Variants in B4GALT6 observed in about 807,000 individuals in gnomAD.
The protein encoded by B4GALT6 is beta-1,4-galactosyltransferase 6.
Under a neutral mutation model 46.3 loss-of-function variants are expected in B4GALT6, and 14 were observed. That is an observed-to-expected ratio of 0.30 (90% CI 0.20 to 0.47). The LOEUF (loss-of-function observed/expected upper bound fraction) is 0.47. Among genes scored for constraint, B4GALT6 ranks in the 20% least tolerant of loss-of-function variants. The probability of loss-of-function intolerance (pLI) is 0.99; values close to 1 mark genes in which losing one functional copy is unlikely to be tolerated. For synonymous variants in B4GALT6, 168 were observed against 162.0 expected, an observed-to-expected ratio of 1.04 and a Z score of -0.28; for missense variants, 386 against 480.1, an observed-to-expected ratio of 0.80 and a Z score of 1.83.
At chr18:31,651,389 T>C (rs1434307938) in intron 3 of B4GALT6, among the ~76,000 whole-genome samples, 1 of 152,112 alleles carries the variant, frequency 6.6e-6, no homozygotes, top group East Asian at 1.9e-4. Context: ...GTATTGTGAC[T>C]CCACCAGGGT....
intron 5 of B4GALT6, among the ~76,000 whole-genome samples, chr18:31,634,634 G>C (rs1448091558): frequency 6.6e-6 from 1 of 152,148 alleles, no homozygotes; most frequent in Non-Finnish European, 1.5e-5. Flanking sequence ...TCTCATTTTA[G>C]GAGTTTGGAA....
chr18:31,723,102 CAT>C, the B4GALT6 span, among the ~76,000 whole-genome samples: 5 of 152,180 alleles, frequency 3.3e-5, no homozygotes, highest in Admixed American at 3.3e-4. Flanking sequence ...GAAATTTAAA[CAT>C]ATAATTTAGC....
chr18:31,684,009 C>G (rs1185715406), intron 1 of B4GALT6, among the ~76,000 whole-genome samples: 1 of 152,160 alleles, frequency 6.6e-6, no homozygotes, highest in Non-Finnish European at 1.5e-5. Context: ...ATAAAGCTGT[C>G]ATGAACACTC....
the B4GALT6 span, among the ~76,000 whole-genome samples, chr18:31,697,159 C>A: frequency 6.6e-6 from 1 of 152,102 alleles, no homozygotes; most frequent in Non-Finnish European, 1.5e-5. Flanking sequence ...GCAGTCCCAA[C>A]TACTCAGAAG....
At chr18:31,657,694 T>C (rs1041828917) in intron 3 of B4GALT6, among the ~76,000 whole-genome samples, 2 of 152,304 alleles carry the variant, frequency 1.3e-5, no homozygotes, top group Non-Finnish European at 1.5e-5. Context: ...AACTTGGACA[T>C]AGGTAAGCCG....
intron 4 of B4GALT6, among the ~76,000 whole-genome samples, chr18:31,639,952 A>C (rs1447430931): frequency 6.6e-6 from 1 of 152,126 alleles, no homozygotes; most frequent in Non-Finnish European, 1.5e-5. Context: ...CCCTTGAAAA[A>C]CCTAAAGTGT....
At chr18:31,682,620 G>C (rs1291449026) in intron 1 of B4GALT6, among the ~76,000 whole-genome samples, 1 of 151,964 alleles carries the variant, frequency 6.6e-6, no homozygotes, top group Non-Finnish European at 1.5e-5. Flanking sequence ...TAAAAAAAAA[G>C]GGATGACTAG....
chr18:31,650,970 G>GC (rs1459250461), intron 3 of B4GALT6, among the ~76,000 whole-genome samples: 2 of 152,104 alleles, frequency 1.3e-5, no homozygotes, highest in Non-Finnish European at 2.9e-5. Context: ...GTTTCACCGT[G>GC]TTAGACAGGA....
At position 31,681,302 on chromosome 18, in the gene B4GALT6, C is replaced by T. The variant is rs555147542; in HGVS notation, c.115+3010G>A. On this transcript the variant is annotated intron_variant, in intron 1 of 8. Transcript: ENST00000306851. ...CAAAACCTTGGAGAGAAACTGCACTCATCTTTGCAATCATGCACAAAGGTA... is the reference window on the plus strand; with the variant it reads ...CAAAACCTTGGAGAGAAACTGCACTTATCTTTGCAATCATGCACAAAGGTA... Among the ~76,000 whole-genome samples, 50 of 152,358 alleles carry T rather than the reference C, an allele frequency of 3.3e-4. No homozygotes were observed. In the South Asian group the frequency reaches 9.5e-3, roughly 29 times the overall value.
At chr18:31,685,612 C>A, upstream of B4GALT6, 1 of 152,556 alleles carries the variant, frequency 6.6e-6, no homozygotes, top group South Asian at 1.9e-4. Context: ...CCTCCTGCGT[C>A]ACCGCCGCCC....
At chr18:31,714,507 T>C in the B4GALT6 span, among the ~76,000 whole-genome samples, 8 of 152,148 alleles carry the variant, frequency 5.3e-5, no homozygotes, top group Non-Finnish European at 8.8e-5. Context: ...GCAAAGTGTG[T>C]CTTTAGCATT....
intron 1 of B4GALT6, among the ~76,000 whole-genome samples, chr18:31,674,873 T>C (rs1349426553): frequency 1.8e-4 from 28 of 152,208 alleles, no homozygotes; most frequent in Admixed American, 1.8e-3. Context: ...AAAATTCTTT[T>C]ATGTCAAAGT....
chr18:31,701,765 A>G, the B4GALT6 span, among the ~76,000 whole-genome samples: 1 of 152,206 alleles, frequency 6.6e-6, no homozygotes, highest in Admixed American at 6.5e-5. Flanking sequence ...TACAAAATTT[A>G]AATTTTCTTT....
intron 1 of B4GALT6, among the ~76,000 whole-genome samples, chr18:31,678,075 GAGC>G (rs1340766317): frequency 6.6e-6 from 1 of 152,158 alleles, no homozygotes; most frequent in African/African-American, 2.4e-5. Context: ...ACAGGTAGAG[GAGC>G]AGGTCTGCCC....
upstream of B4GALT6, among the ~76,000 whole-genome samples, chr18:31,690,212 A>G (rs1187285541): frequency 6.6e-6 from 1 of 152,078 alleles, no homozygotes; most frequent in Non-Finnish European, 1.5e-5. Flanking sequence ...GCACACTGCA[A>G]TTTACGCCTC....
At chr18:31,665,602 CGTGGTGA>C (rs1374040444) in intron 2 of B4GALT6, among the ~76,000 whole-genome samples, 1 of 152,004 alleles carries the variant, frequency 6.6e-6, no homozygotes, top group Non-Finnish European at 1.5e-5. Flanking sequence ...ATTAGCCGGG[CGTGGTGA>C]TGGGCGCCTG....
intron 1 of B4GALT6, among the ~76,000 whole-genome samples, chr18:31,680,381 C>A (rs1198088037): frequency 6.6e-6 from 1 of 152,178 alleles, no homozygotes; most frequent in Non-Finnish European, 1.5e-5. Flanking sequence ...ATACCTCTCC[C>A]ACAACATACA....
chr18:31,631,208 T>TC (rs2073785112), intron 5 of B4GALT6, 62 bp from the exon 6 acceptor site: 3 of 1,462,012 alleles, frequency 2.1e-6, no homozygotes, highest in African/African-American at 2.9e-5. Context: ...ATCTTTTTTT[T>TC]TTTTTTTCTT....
At chr18:31,662,547 A>G (rs1027864769) in intron 2 of B4GALT6, among the ~76,000 whole-genome samples, 14 of 152,236 alleles carry the variant, frequency 9.2e-5, no homozygotes, top group African/African-American at 3.4e-4. Context: ...TTACTGTAAT[A>G]AACCCACAAA....
Sources: allele counts gnomAD v4.1 joint callset (sites outside exome capture counted in the v4.1 genomes callset), GRCh38; gene constraint gnomAD v4.1.1; transcripts MANE v1.5; gene names NCBI Gene and HGNC (gene_info 2026-07-23, HGNC 2026-07-21).